EYS: variants seen among roughly 807,000 people sequenced by gnomAD.
EYS encodes the protein protein eyes shut homolog.
A neutral mutation model predicts 282.1 loss-of-function variants in EYS; 250 were observed. The observed-to-expected ratio is 0.89, with a 90% CI of 0.80 to 0.98. The LOEUF (loss-of-function observed/expected upper bound fraction) is 0.98. Among genes scored for constraint, EYS ranks in the 50% least tolerant of loss-of-function variants. EYS has a pLI of 0.00. For missense variants in EYS, 4,016 were observed against 3,709.0 expected (o/e 1.08, Z -2.15); for synonymous variants, 1,355 against 1,282.9 (o/e 1.06, Z -1.20).
chr6:64,393,435 G>C (rs1420666551), intron 28 of EYS, among the ~76,000 whole-genome samples: 2 of 152,170 alleles, frequency 1.3e-5, no homozygotes, highest in African/African-American at 2.4e-5. Context: ...TATCCACCAT[G>C]ATCAAGTGGG....
At chr6:64,675,370 G>T (rs1326487647) in intron 22 of EYS, among the ~76,000 whole-genome samples, 7 of 150,404 alleles carry the variant, frequency 4.7e-5, no homozygotes, top group Admixed American at 4.6e-4. Context: ...AAAGATTCTG[G>T]TCATATGCCT....
intron 35 of EYS, among the ~76,000 whole-genome samples, chr6:63,893,006 T>C (rs1773447077): frequency 6.6e-6 from 1 of 152,060 alleles, no homozygotes; most frequent in Non-Finnish European, 1.5e-5. Flanking sequence ...ATTAAAGAAA[T>C]ACAAATCAAA....
chr6:64,236,206 C>G (rs1025823241), intron 30 of EYS, among the ~76,000 whole-genome samples: 12 of 152,168 alleles, frequency 7.9e-5, no homozygotes, highest in Non-Finnish European at 4.4e-5. Flanking sequence ...ATCTCCTGAC[C>G]TTGTGCTCCA....
At chr6:63,736,045 A>G (rs1056636437) in intron 41 of EYS, among the ~76,000 whole-genome samples, 5 of 152,166 alleles carry the variant, frequency 3.3e-5, no homozygotes, top group African/African-American at 1.2e-4. Context: ...ATATACAAAT[A>G]GGAGCAATAT....
chr6:64,007,596 G>C (rs1768411422), intron 33 of EYS, among the ~76,000 whole-genome samples: 1 of 151,856 alleles, frequency 6.6e-6, no homozygotes, highest in East Asian at 1.9e-4. Flanking sequence ...TTGTTAATTT[G>C]AGATCTAACT....
rs1285727215 is a variant in EYS, at chr6:65,402,572, C to G, written c.1090G>C (p.Asp364His). ...VMCICSPIFT[D>H]LLCKSIQTSC... is the part of the protein sequence containing the mutation. ...GTTTGAATGCTCTTACAAAGCAAATCTGTAAATATTGGTGAACAGATGCAC... is the reference window on the plus strand; with the variant it reads ...GTTTGAATGCTCTTACAAAGCAAATGTGTAAATATTGGTGAACAGATGCAC... Residue 364 changes from aspartate (D) to histidine (H), a missense_variant, in exon 7 of 43, where the codon GAT becomes CAT. Physicochemically the swap from Asp to His is moderately conservative, Grantham distance 81. Coordinates refer to ENST00000503581, the MANE Select transcript of EYS (RefSeq NM_001142800.2). The G allele has an allele frequency of 4.4e-6, 7 of 1,579,746 alleles. No homozygotes were observed. In the East Asian group the frequency reaches 1.6e-4, roughly 36 times the overall value.
intron 42 of EYS, among the ~76,000 whole-genome samples, chr6:63,725,436 C>T (rs1768578552): frequency 6.6e-6 from 1 of 152,072 alleles, no homozygotes; most frequent in Non-Finnish European, 1.5e-5. Context: ...TCCCACTTAA[C>T]ATTAATTTTG....
At chr6:65,293,247 G>A (rs1768574797) in intron 12 of EYS, among the ~76,000 whole-genome samples, 2 of 138,318 alleles carry the variant, frequency 1.4e-5, no homozygotes, top group South Asian at 2.2e-4. Context: ...AAAAGGATGA[G>A]GGAAGAATAT....
chr6:64,116,381 C>T (rs1339808399), intron 31 of EYS, among the ~76,000 whole-genome samples: 1 of 152,048 alleles, frequency 6.6e-6, no homozygotes, highest in African/African-American at 2.4e-5. Context: ...AAAATAAAAC[C>T]TGCCAGTCAA....
intron 1 of EYS, among the ~76,000 whole-genome samples, chr6:65,642,453 AC>A (rs1767307470): frequency 6.6e-6 from 1 of 152,126 alleles, no homozygotes; most frequent in South Asian, 2.1e-4. Flanking sequence ...GTCACATTCA[AC>A]AATTTGAATA....
intron 12 of EYS, among the ~76,000 whole-genome samples, chr6:65,217,283 T>G (rs753457341): frequency 6.6e-5 from 10 of 152,114 alleles, no homozygotes; most frequent in Non-Finnish European, 1.5e-4. Flanking sequence ...AATTTAAGAC[T>G]GTAGCAATTT....
At chr6:64,736,222 A>G (rs1192964631) in intron 22 of EYS, among the ~76,000 whole-genome samples, 1 of 152,104 alleles carries the variant, frequency 6.6e-6, no homozygotes, top group Admixed American at 6.5e-5. Context: ...CCTTTTCATT[A>G]CATGTTTTAA....
intron 31 of EYS, among the ~76,000 whole-genome samples, chr6:64,122,569 A>G (rs1933313146): frequency 6.6e-6 from 1 of 152,108 alleles, no homozygotes; most frequent in Admixed American, 6.5e-5. Context: ...TCCATTTACT[A>G]GTTGTGTGAC....
chr6:64,236,003 G>A (rs1024316152), intron 30 of EYS, among the ~76,000 whole-genome samples: 4 of 152,056 alleles, frequency 2.6e-5, no homozygotes, highest in East Asian at 1.9e-4. Flanking sequence ...TACCAAAGCC[G>A]GGCAGAGACA....
intron 41 of EYS, chr6:63,744,115 A>G (rs1314773725): frequency 6.6e-6 from 1 of 152,238 alleles, no homozygotes; most frequent in Non-Finnish European, 1.5e-5. Flanking sequence ...AATATATTTT[A>G]GTGGCTTCTC....
At chr6:65,054,628 G>A (rs549720401) in intron 13 of EYS, among the ~76,000 whole-genome samples, 1 of 152,044 alleles carries the variant, frequency 6.6e-6, no homozygotes, top group African/African-American at 2.4e-5. Context: ...ATGTATTTAT[G>A]TCTAGGATAG....
chr6:65,594,979 T>C (rs1255334000), intron 2 of EYS, among the ~76,000 whole-genome samples: 1 of 152,086 alleles, frequency 6.6e-6, no homozygotes, highest in Non-Finnish European at 1.5e-5. Flanking sequence ...GTTGTAGATG[T>C]GTGGTATTAT....
In EYS at chr6:65,077,824, A is replaced by C. The variant is rs574641396; in HGVS notation, c.2024-20097T>G. ...CTATCAAAGTTAAAAATGTGTCAAC[A>C]TATATTTATAAGTGAACAACTTCTA... On this transcript the variant is annotated intron_variant, in intron 12 of 42. Coordinates refer to ENST00000503581, the MANE Select transcript of EYS (RefSeq NM_001142800.2). 2.0e-5 allele frequency among the ~76,000 whole-genome samples: 3 copies of C among 152,270 alleles called. No individual in the cohort carries two copies. In the South Asian group the frequency reaches 6.2e-4, roughly 32 times the overall value.
intron 8 of EYS, among the ~76,000 whole-genome samples, chr6:65,379,753 T>C (rs565101863): frequency 6.6e-5 from 10 of 151,890 alleles, no homozygotes; most frequent in African/African-American, 2.4e-4. Flanking sequence ...TAAGCTGATA[T>C]GCAACTTCAG....
Sources: gnomAD v4.1 joint callset for allele counts (sites outside exome capture counted in the v4.1 genomes callset) on GRCh38, gnomAD v4.1.1 for gene constraint, MANE v1.5 for transcripts, NCBI Gene and HGNC (gene_info 2026-07-23, HGNC 2026-07-21) for gene names.